EPB41L4A: variants seen among roughly 807,000 people sequenced by gnomAD.
The protein encoded by EPB41L4A is erythrocyte membrane protein band 4.1 like 4A.
Under a neutral mutation model 108.6 loss-of-function variants are expected in EPB41L4A, and 100 were observed. The observed-to-expected ratio is 0.92, with a 90% CI of 0.78 to 1.09. The LOEUF (loss-of-function observed/expected upper bound fraction) is 1.09. Ranked by LOEUF, EPB41L4A falls within the 50% of genes least tolerant of loss-of-function variation. The pLI, the probability that EPB41L4A is intolerant of heterozygous loss-of-function variation, is 0.00. For missense variants in EPB41L4A, 1,030 were observed against 842.7 expected, an observed-to-expected ratio of 1.22 and a Z score of -2.75; for synonymous variants, 319 against 289.0, an observed-to-expected ratio of 1.10 and a Z score of -1.05.
intron 12 of EPB41L4A, among the ~76,000 whole-genome samples, chr5:112,152,827 A>C (rs1296805088): frequency 6.6e-6 from 1 of 152,240 alleles, no homozygotes; most frequent in African/African-American, 2.4e-5. Flanking sequence ...AAGCAAAAAA[A>C]ATTACCAGAT....
intron 1 of EPB41L4A, among the ~76,000 whole-genome samples, chr5:112,396,662 A>C (rs1367825348): frequency 6.6e-6 from 1 of 152,204 alleles, no homozygotes; most frequent in Non-Finnish European, 1.5e-5. Context: ...AAGAACTCTC[A>C]GTTCCTCACC....
chr5:112,235,050 G>T lies in EPB41L4A; in HGVS notation c.966-295C>A, dbSNP rs558386104. On this transcript the variant is annotated intron_variant, in intron 11 of 22. Coordinates refer to ENST00000261486, the MANE Select transcript of EPB41L4A (RefSeq NM_022140.5). ...GGGCTAGAAATAAAGGTTGCTGACAGTCTTTAAGGTCACTAAATAATAAAG... is the reference window on the plus strand; with the variant it reads ...GGGCTAGAAATAAAGGTTGCTGACATTCTTTAAGGTCACTAAATAATAAAG... 2.6e-5 allele frequency among the ~76,000 whole-genome samples: 4 copies of T among 152,308 alleles called. No individual in the cohort carries two copies. In the East Asian group the frequency reaches 7.7e-4, roughly 29 times the overall value.
chr5:112,233,584 T>C (rs1208010044), intron 12 of EPB41L4A, among the ~76,000 whole-genome samples: 1 of 152,124 alleles, frequency 6.6e-6, no homozygotes, highest in Non-Finnish European at 1.5e-5. Context: ...TTTTTTTAAT[T>C]TGTATTTTTA....
intron 18 of EPB41L4A, among the ~76,000 whole-genome samples, chr5:112,178,526 T>G (rs771224193): frequency 6.6e-6 from 1 of 152,082 alleles, no homozygotes; most frequent in African/African-American, 2.4e-5. Flanking sequence ...AAAAACCATA[T>G]GCTAGGCCTT....
intron 1 of EPB41L4A, among the ~76,000 whole-genome samples, chr5:112,410,093 A>G (rs1026939016): frequency 6.6e-6 from 1 of 152,110 alleles, no homozygotes; most frequent in Non-Finnish European, 1.5e-5. Context: ...CCTAGGCAGA[A>G]CTCTCCTTCA....
chr5:112,276,393 C>A (rs114308083), intron 3 of EPB41L4A, among the ~76,000 whole-genome samples: 4 of 152,106 alleles, frequency 2.6e-5, no homozygotes. Context: ...TTATATTATG[C>A]TTTTACTAGA....
In EPB41L4A at chr5:112,211,094, T is replaced by C. The variant is rs549258872; in HGVS notation, c.1088-1112A>G. On this transcript the variant is annotated intron_variant, in intron 12 of 22. Transcript: ENST00000261486. ...TCCTATGAAGTAGATATCAATGTTA[T>C]CTCATTTTAAAAGATTTAAAAAAAA... Among the ~76,000 whole-genome samples the C allele has an allele frequency of 1.8e-4, 27 of 152,330 alleles. 1 individual carries two copies. The highest frequency in any genetic ancestry group is 6.5e-4 in the African/African-American group (27 of 41,580).
At chr5:112,417,171 A>G (rs932703723) in intron 1 of EPB41L4A, among the ~76,000 whole-genome samples, 8 of 152,282 alleles carry the variant, frequency 5.3e-5, no homozygotes, top group Non-Finnish European at 1.0e-4. Flanking sequence ...TTGTAAAACA[A>G]GATAAGCACC....
intron 12 of EPB41L4A, among the ~76,000 whole-genome samples, chr5:112,155,968 G>GA (rs1236605579): frequency 9.9e-5 from 15 of 151,838 alleles, no homozygotes; most frequent in Admixed American, 5.9e-4. Context: ...AAAACAGTAT[G>GA]AAAAAAATAA....
At chr5:112,378,058 C>T (rs1172449173) in intron 1 of EPB41L4A, among the ~76,000 whole-genome samples, 1 of 152,150 alleles carries the variant, frequency 6.6e-6, no homozygotes, top group Non-Finnish European at 1.5e-5. Flanking sequence ...CTACAAAGTA[C>T]AGTCCTTAAA....
At chr5:112,348,689 G>A (rs1008487375) in intron 1 of EPB41L4A, among the ~76,000 whole-genome samples, 4 of 152,130 alleles carry the variant, frequency 2.6e-5, no homozygotes, top group Admixed American at 1.3e-4. Context: ...GAGAGAAAAC[G>A]AACCTCAACA....
At chr5:112,374,015 A>C (rs893972073) in intron 1 of EPB41L4A, among the ~76,000 whole-genome samples, 5 of 152,228 alleles carry the variant, frequency 3.3e-5, no homozygotes, top group African/African-American at 1.2e-4. Flanking sequence ...TACACTTGTC[A>C]GTTCTGTCAG....
At chr5:112,180,485 T>C (rs1393843364) in intron 18 of EPB41L4A, among the ~76,000 whole-genome samples, 1 of 152,088 alleles carries the variant, frequency 6.6e-6, no homozygotes, top group Admixed American at 6.6e-5. Context: ...AAAATGGTGG[T>C]GGAACTGGAT....
chr5:112,223,043 AT>A (rs1340826770), intron 12 of EPB41L4A, among the ~76,000 whole-genome samples: 7 of 151,080 alleles, frequency 4.6e-5, no homozygotes, highest in Non-Finnish European at 8.8e-5. Flanking sequence ...GGTTCAAGCG[AT>A]TCTTGTGCCT....
chr5:112,216,318 G>C (rs7704736), intron 12 of EPB41L4A, among the ~76,000 whole-genome samples: 104,369 of 152,098 alleles, frequency 0.69, 36,303 homozygotes, highest in East Asian at 0.97. Flanking sequence ...AAATTCATAA[G>C]TCAATTTGAC....
intron 18 of EPB41L4A, among the ~76,000 whole-genome samples, chr5:112,179,453 C>T (rs1204294820): frequency 6.6e-6 from 1 of 151,944 alleles, no homozygotes; most frequent in East Asian, 1.9e-4. Context: ...AAATAGAATC[C>T]AGCTACATAC....
At chr5:112,251,181 A>T (rs755003708) in intron 9 of EPB41L4A, among the ~76,000 whole-genome samples, 1 of 152,154 alleles carries the variant, frequency 6.6e-6, no homozygotes, top group Non-Finnish European at 1.5e-5. Flanking sequence ...TTGTAGTTGG[A>T]GACACAAAAT....
intron 2 of EPB41L4A, among the ~76,000 whole-genome samples, chr5:112,303,776 A>C (rs1754524805): frequency 6.6e-6 from 1 of 152,168 alleles, no homozygotes; most frequent in Non-Finnish European, 1.5e-5. Flanking sequence ...TTTAGGAAAC[A>C]ATGGGATTTC....
chr5:112,198,834 A>AT (rs955549300), intron 15 of EPB41L4A, among the ~76,000 whole-genome samples: 12 of 144,172 alleles, frequency 8.3e-5, no homozygotes, highest in Non-Finnish European at 1.5e-4. Context: ...TCATGGTTAT[A>AT]TTTTTTCATC....
Sources: allele counts gnomAD v4.1 joint callset (sites outside exome capture counted in the v4.1 genomes callset), GRCh38; gene constraint gnomAD v4.1.1; transcripts MANE v1.5; gene names NCBI Gene and HGNC (gene_info 2026-07-23, HGNC 2026-07-21).